The following NRG1 variants were observed in gnomAD, a reference collection of about 807,000 sequenced individuals.
The protein encoded by NRG1 is neuregulin 1, also known as pro-neuregulin-1, membrane-bound isoform.
In NRG1, 18 loss-of-function variants were observed where a neutral mutation model predicts 63.8. The ratio of observed to expected loss-of-function variants is 0.28; its 90% confidence interval spans 0.19 to 0.42. The LOEUF (loss-of-function observed/expected upper bound fraction) is 0.42, where lower values mean the gene tolerates loss of function less well. NRG1 is among the 10% of genes least tolerant of loss of function. The pLI is 1.00. For missense variants in NRG1, 762 were observed against 814.7 expected (o/e 0.94, Z 0.79); for synonymous variants, 302 against 301.3 (o/e 1.00, Z -0.02).
intron 1 of NRG1, among the ~76,000 whole-genome samples, chr8:32,310,509 G>A (rs962684129): frequency 6.6e-6 from 1 of 152,128 alleles, no homozygotes; most frequent in Non-Finnish European, 1.5e-5. Context: ...AGTGTCTTTA[G>A]TAGAGGCCAA....
chr8:32,652,279 T>G (rs1360786524), intron 5 of NRG1, among the ~76,000 whole-genome samples: 1 of 152,220 alleles, frequency 6.6e-6, no homozygotes, highest in Non-Finnish European at 1.5e-5. Flanking sequence ...GTTTTGCTCT[T>G]ATTAAATTTT....
chr8:32,320,078 G>A (rs560918162), intron 1 of NRG1, among the ~76,000 whole-genome samples: 3 of 152,120 alleles, frequency 2.0e-5, no homozygotes, highest in Non-Finnish European at 4.4e-5. Context: ...CTGTGAGCAA[G>A]TTATTTTAAA....
intron 5 of NRG1, among the ~76,000 whole-genome samples, chr8:32,687,853 C>T (rs757901807): frequency 6.6e-6 from 1 of 152,114 alleles, no homozygotes; most frequent in Non-Finnish European, 1.5e-5. Flanking sequence ...AAAAAATAGA[C>T]CAGGCATGAT....
At chr8:32,427,471 G>A (rs1425773699) in intron 1 of NRG1, among the ~76,000 whole-genome samples, 1 of 152,122 alleles carries the variant, frequency 6.6e-6, no homozygotes, top group Non-Finnish European at 1.5e-5. Flanking sequence ...TGGCCAACAA[G>A]CAGATTTCCA....
intron 1 of NRG1, among the ~76,000 whole-genome samples, chr8:31,815,470 C>A (rs1028327275): frequency 1.3e-5 from 2 of 152,112 alleles, no homozygotes; most frequent in African/African-American, 4.8e-5. Context: ...TATAGATATA[C>A]CACATTTTGC....
At chr8:31,820,619 G>T (rs1419631041) in intron 1 of NRG1, among the ~76,000 whole-genome samples, 1 of 152,170 alleles carries the variant, frequency 6.6e-6, no homozygotes, top group Non-Finnish European at 1.5e-5. Flanking sequence ...ATTATACAAA[G>T]TTCTGGGGAT....
At chr8:32,318,025 C>G (rs993938827) in intron 1 of NRG1, among the ~76,000 whole-genome samples, 1 of 152,002 alleles carries the variant, frequency 6.6e-6, no homozygotes, top group East Asian at 1.9e-4. Context: ...AGAGGCCATG[C>G]TAGAAGACAT....
chr8:32,261,620 A>G (rs774457967), intron 1 of NRG1, among the ~76,000 whole-genome samples: 1 of 152,072 alleles, frequency 6.6e-6, no homozygotes, highest in Admixed American at 6.6e-5. Context: ...CCCAAAATCT[A>G]TTGAATCAGA....
chr8:31,700,745 C>T (rs1810548002), intron 1 of NRG1, among the ~76,000 whole-genome samples: 1 of 152,094 alleles, frequency 6.6e-6, no homozygotes, highest in Admixed American at 6.6e-5. Flanking sequence ...CTATGCCCTC[C>T]CTGTTTGTTC....
chr8:32,533,755 G>A (rs1260132661), intron 1 of NRG1, among the ~76,000 whole-genome samples: 2 of 151,968 alleles, frequency 1.3e-5, no homozygotes, highest in Non-Finnish European at 2.9e-5. Context: ...AAGTGATAAC[G>A]ATTCCAATAA....
intron 1 of NRG1, among the ~76,000 whole-genome samples, chr8:31,642,828 C>T (rs1165910932): frequency 6.6e-6 from 1 of 152,152 alleles, no homozygotes; most frequent in Non-Finnish European, 1.5e-5. Context: ...ATAGATTTAG[C>T]TAAGTTCTAA....
At chr8:31,648,135 T>TC (rs1227664392) in intron 1 of NRG1, among the ~76,000 whole-genome samples, 3 of 131,616 alleles carry the variant, frequency 2.3e-5, no homozygotes, top group Non-Finnish European at 4.8e-5. Flanking sequence ...TTTTTTTTTT[T>TC]TTTTTTTTTT....
chr8:31,951,448 G>A (rs536385076), intron 1 of NRG1, among the ~76,000 whole-genome samples: 3 of 151,426 alleles, frequency 2.0e-5, no homozygotes, highest in African/African-American at 7.3e-5. Flanking sequence ...CTCCTCTAGG[G>A]AAAAAAAAAG....
intron 1 of NRG1, among the ~76,000 whole-genome samples, chr8:32,306,760 T>C (rs1466179090): frequency 6.6e-6 from 1 of 152,214 alleles, no homozygotes; most frequent in Non-Finnish European, 1.5e-5. Context: ...ATCTTGTTCA[T>C]TTTCCGATGA....
intron 1 of NRG1, among the ~76,000 whole-genome samples, chr8:32,218,314 G>T (rs533927904): frequency 6.6e-6 from 1 of 152,284 alleles, no homozygotes; most frequent in African/African-American, 2.4e-5. Context: ...ACATCAAGCT[G>T]TAACCAACCC....
chr8:32,466,362 C>A lies in NRG1; in HGVS notation c.38-129466C>A, dbSNP rs1160168487. Among the ~76,000 whole-genome samples the A allele has an allele frequency of 5.0e-5, 7 of 139,454 alleles. No individual in the cohort carries two copies. The East Asian group carries it at 1.8e-3, about 37-fold the overall frequency. The allele number at this position is 139,454 out of a possible 152,430, so 91.5% of individuals were successfully genotyped here. A position where few individuals can be genotyped will look rare whatever the true frequency, so the allele number is the denominator to read the frequency against. On this transcript the variant is annotated intron_variant, in intron 1 of 10. Coordinates refer to the NRG1 transcript ENST00000519301. Reference sequence around the variant, plus strand: ...ATTTCACTGATGACAATAAATATTACCTTGACATCAAAAAAAAAAAAAAAA... The same window carrying A: ...ATTTCACTGATGACAATAAATATTAACTTGACATCAAAAAAAAAAAAAAAA...
chr8:31,754,477 C>T (rs1308664163), intron 1 of NRG1, among the ~76,000 whole-genome samples: 2 of 152,034 alleles, frequency 1.3e-5, no homozygotes, highest in African/African-American at 4.8e-5. Flanking sequence ...TGAGGCCTCC[C>T]CAGAAGCTGA....
intron 5 of NRG1, among the ~76,000 whole-genome samples, chr8:32,657,589 A>G (rs1801817645): frequency 6.6e-6 from 1 of 152,198 alleles, no homozygotes; most frequent in African/African-American, 2.4e-5. Context: ...GCTAAGTAAC[A>G]GGAAGTAATT....
chr8:32,764,466 T>C, exon 12 of NRG1: 1 of 1,299,866 alleles, frequency 7.7e-7, no homozygotes, highest in Non-Finnish European at 1.0e-6. Context: ...TATTCCACCT[T>C]AAATTAAACA....
Sources: gnomAD v4.1 joint callset for allele counts (sites outside exome capture counted in the v4.1 genomes callset) on GRCh38, gnomAD v4.1.1 for gene constraint, MANE v1.5 for transcripts, NCBI Gene and HGNC (gene_info 2026-07-23, HGNC 2026-07-21) for gene names.